The following IL4 variants were observed in gnomAD, a reference collection of about 807,000 sequenced individuals.
IL4 encodes the protein interleukin 4.
In IL4, 10 loss-of-function variants were observed where a neutral mutation model predicts 17.4. That is an observed-to-expected ratio of 0.57 (90% CI 0.35 to 0.97). The LOEUF (loss-of-function observed/expected upper bound fraction) is 0.97, where lower values mean the gene tolerates loss of function less well. Among genes scored for constraint, IL4 ranks in the 50% least tolerant of loss-of-function variants. The pLI is 0.01. For synonymous variants in IL4, 87 were observed against 79.0 expected (o/e 1.10, Z -0.54); for missense variants, 174 against 187.7 (o/e 0.93, Z 0.43).
rs571215846 is a variant in IL4, at chr5:132,681,297, G to A, written c.361-1189G>A. 3.4e-4 allele frequency among the ~76,000 whole-genome samples: 52 copies of A among 152,306 alleles called. No homozygotes were observed. The South Asian group carries it at 8.3e-3, about 24-fold the overall frequency. On this transcript the variant is annotated intron_variant, in intron 3 of 3. Transcript: ENST00000231449. ...TGGAGAGTGGGCGGTACCCCAGGAA[G>A]CCGTTGAGGACACTCAAGGAGGGAG...
rs946681042 is a variant in IL4 at position 132,678,751 on chromosome 5, A to G, written c.184-963A>G. Among the ~76,000 whole-genome samples, 19 of 152,294 alleles carry G rather than the reference A, an allele frequency of 1.2e-4. 1 individual carries two copies. In the East Asian group the frequency reaches 3.3e-3, roughly 26 times the overall value. On this transcript the variant is annotated intron_variant, in intron 2 of 3. Coordinates refer to ENST00000231449, the MANE Select transcript of IL4 (RefSeq NM_000589.4). ...GGATAGCTTTCTTTATCTGAACTGG[A>G]TAAAGGAACTGGGCTCAAGCTAAGA...
Position 132,674,068 on chromosome 5 carries a change from A to G in IL4, c.18A>G (p.Gln6=), listed in dbSNP as rs199921056. 9.9e-6 allele frequency: 16 copies of G among 1,614,178 alleles called. No homozygotes were observed. Among genetic ancestry groups the G allele is most frequent in the Non-Finnish European group, 1.4e-5 (16 of 1,180,032 alleles). The change falls in exon 1 of 4, where the codon CAA becomes CAG. Residue 6 remains glutamine (Q), a synonymous_variant. Transcript: ENST00000231449. ...ACCTATTAATGGGTCTCACCTCCCA[A>G]CTGCTTCCCCCTCTGTTCTTCCTGC... is the stretch of plus-strand genomic sequence containing the variant. The part of the protein sequence containing the change: MGLTS[Q]LLPPLFFLLA...
rs1446449750 is a variant in IL4, at chr5:132,679,756, C to A, written c.226C>A (p.Leu76Ile). 1.2e-6 allele frequency: 2 copies of A among 1,613,998 alleles called. No individual in the cohort carries two copies. Among genetic ancestry groups the A allele is most frequent in the Admixed American group, 1.7e-5 (1 of 60,000 alleles). ...KETFCRAATV[L>I]RQFYSHHEKD... is the part of the protein sequence containing the mutation. The stretch of plus-strand genomic sequence containing the variant: ...AACCTTCTGCAGGGCTGCGACTGTG[C>A]TCCGGCAGTTCTACAGCCACCATGA... The change falls in exon 3 of 4, where the codon CTC becomes ATC. Residue 76 changes from leucine (L) to isoleucine (I), a missense_variant. Transcript: ENST00000231449.
In IL4 at chr5:132,680,900, CCT is replaced by C. The variant is rs1752475890; in HGVS notation, c.360+1013_360+1014del. Reference sequence around the variant, plus strand: ...TAAGATACAGGGGAGGAAAAGATGACCTCTTTGTTCCTGCCCAAACCCCTCTG... The same window carrying C: ...TAAGATACAGGGGAGGAAAAGATGACCTTTGTTCCTGCCCAAACCCCTCTG... On this transcript the variant is annotated intron_variant, in intron 3 of 3. Transcript: ENST00000231449. This position sits in a 1 kb window ranked among gnomAD's most constrained non-coding sequence, Gnocchi z 4.3. Among the ~76,000 whole-genome samples the C allele has an allele frequency of 6.6e-6, 1 of 152,188 alleles. No homozygotes were observed. The highest frequency in any genetic ancestry group is 1.5e-5 in the Non-Finnish European group (1 of 68,032).
chr5:132,674,282 C>A lies in IL4; in HGVS notation c.135+97C>A, dbSNP rs1752337926. The A allele has an allele frequency of 9.5e-6, 14 of 1,477,502 alleles. No individual in the cohort carries two copies. In the South Asian group the frequency reaches 1.6e-4, roughly 17 times the overall value. 91.5% of individuals were successfully genotyped at this position (1,477,502 alleles called of 1,614,324 possible). A position where few individuals can be genotyped will look rare whatever the true frequency, so the allele number is the denominator to read the frequency against. On this transcript the variant is annotated intron_variant, in intron 1 of 3. Coordinates refer to ENST00000231449, the MANE Select transcript of IL4 (RefSeq NM_000589.4). ...TTAACAGCTGCTAGAGAAGTTGGAACTGGTGGTTGGTGGCAGTCCAGGGCA... is the reference window on the plus strand; with the variant it reads ...TTAACAGCTGCTAGAGAAGTTGGAAATGGTGGTTGGTGGCAGTCCAGGGCA...
chr5:132,680,863 G>A lies in IL4; in HGVS notation c.360+973G>A, dbSNP rs891222621. 4.6e-5 allele frequency among the ~76,000 whole-genome samples: 7 copies of A among 152,192 alleles called. No individual in the cohort carries two copies. The highest frequency in any genetic ancestry group is 1.4e-4 in the African/African-American group (6 of 41,444). On this transcript the variant is annotated intron_variant, in intron 3 of 3. Transcript: ENST00000231449. The surrounding 1 kb of genome is among the most constrained non-coding windows in gnomAD (Gnocchi z 4.3). The stretch of plus-strand genomic sequence containing the variant: ...AACCAGAAGGATTTGCTGACAGATC[G>A]GTTGTAGGGGGTAAGATACAGGGGA...
chr5:132,682,339 G>C lies in IL4; in HGVS notation c.361-147G>C, dbSNP rs145315969. The stretch of plus-strand genomic sequence containing the variant: ...AATAGGCAAAACCTGCTGGCCTAGT[G>C]ATAGAGACAACTCCCAGTCAGGCTA... On this transcript the variant is annotated intron_variant, in intron 3 of 3. Coordinates refer to ENST00000231449, the MANE Select transcript of IL4 (RefSeq NM_000589.4). 4.4e-5 allele frequency: 25 copies of C among 573,080 alleles called. No individual in the cohort carries two copies. The East Asian group carries it at 6.1e-4, about 14-fold the overall frequency. 35.5% of individuals were successfully genotyped at this position (573,080 alleles called of 1,614,324 possible).
At chr5:132,677,093 C>T (rs1044717256) in intron 2 of IL4, among the ~76,000 whole-genome samples, 1 of 152,208 alleles carries the variant, frequency 6.6e-6, no homozygotes, top group African/African-American at 2.4e-5. Flanking sequence ...CCATAATGAA[C>T]CTCAAATACC....
At chr5:132,679,934 G>T in intron 3 of IL4, 44 bp downstream of exon 3, 1 of 1,547,556 alleles carries the variant, frequency 6.5e-7, no homozygotes, top group East Asian at 2.3e-5. Context: ...CGTGGCTCCT[G>T]GTGGACAGCA....
chr5:132,675,255 T>C (rs1752355630), intron 2 of IL4, among the ~76,000 whole-genome samples: 1 of 152,260 alleles, frequency 6.6e-6, no homozygotes, highest in Admixed American at 6.5e-5. Context: ...ATCAATAGTT[T>C]TGTGCATTTC....
intron 1 of IL4, 100 bp downstream of exon 1, chr5:132,674,285 G>C: frequency 1.4e-6 from 2 of 1,450,700 alleles, no homozygotes; most frequent in South Asian, 2.4e-5. Flanking sequence ...GTTGGAACTG[G>C]TGGTTGGTGG....
At position 132,680,936 on chromosome 5, in the gene IL4, C is replaced by G. The variant is rs1752476553; in HGVS notation, c.360+1046C>G. Among the ~76,000 whole-genome samples the G allele has an allele frequency of 6.6e-6, 1 of 152,154 alleles. No individual in the cohort carries two copies. Among genetic ancestry groups the G allele is most frequent in the Non-Finnish European group, 1.5e-5 (1 of 68,038 alleles). On this transcript the variant is annotated intron_variant, in intron 3 of 3. Coordinates refer to ENST00000231449, the MANE Select transcript of IL4 (RefSeq NM_000589.4). The surrounding 1 kb of genome is among the most constrained non-coding windows in gnomAD (Gnocchi z 4.3). ...CTGCCCAAACCCCTCTGGCGATGGT[C>G]AGTACTGTTTACAGAGAGATGAAAG...
chr5:132,674,367 G>C, intron 1 of IL4, 92 bp from the exon 2 acceptor site: 1 of 1,413,098 alleles, frequency 7.1e-7, no homozygotes, highest in East Asian at 2.3e-5. Flanking sequence ...AGTTTCCTCA[G>C]TTGGAGGGAG....
intron 3 of IL4, 81 bp from the exon 4 acceptor site, chr5:132,682,405 G>A: frequency 1.2e-6 from 1 of 823,024 alleles, no homozygotes; most frequent in Non-Finnish European, 2.1e-6. Flanking sequence ...GGTGACAAGT[G>A]CCACAGTAGG....
At position 132,679,830 on chromosome 5, in the gene IL4, C is replaced by T; in HGVS notation, c.300C>T (p.His100=). 1.2e-6 allele frequency: 2 copies of T among 1,613,972 alleles called. No individual in the cohort carries two copies. The highest frequency in any genetic ancestry group is 1.7e-5 in the Admixed American group (1 of 60,024). The change falls in exon 3 of 4, where the codon CAC becomes CAT. Residue 100 remains histidine, a synonymous_variant. Transcript: ENST00000231449. The stretch of plus-strand genomic sequence containing the variant: ...CGACTGCACAGCAGTTCCACAGGCA[C>T]AAGCAGCTGATCCGATTCCTGAAAC... ...LGATAQQFHR[H]KQLIRFLKRL... is the part of the protein sequence containing the mutation.
rs938795637 is a variant in IL4, at chr5:132,674,074, T to C, written c.24T>C (p.Leu8=). The change falls in exon 1 of 4, where the codon CTT becomes CTC. Residue 8 remains leucine (L), a synonymous_variant. Coordinates refer to ENST00000231449, the MANE Select transcript of IL4 (RefSeq NM_000589.4). The part of the protein sequence containing the change: MGLTSQL[L]PPLFFLLACA... Reference sequence around the variant, plus strand: ...TAATGGGTCTCACCTCCCAACTGCTTCCCCCTCTGTTCTTCCTGCTAGCAT... The same window carrying C: ...TAATGGGTCTCACCTCCCAACTGCTCCCCCCTCTGTTCTTCCTGCTAGCAT... The C allele has an allele frequency of 1.2e-6, 2 of 1,613,882 alleles. No homozygotes were observed. The highest frequency in any genetic ancestry group is 1.3e-5 in the African/African-American group (1 of 74,858).
At chr5:132,674,681 G>A (rs1039133075) in intron 2 of IL4, among the ~76,000 whole-genome samples, 175 bp downstream of exon 2, 2 of 152,152 alleles carry the variant, frequency 1.3e-5, no homozygotes, top group Non-Finnish European at 2.9e-5. Context: ...GGTCTTTCTG[G>A]TTTCACTTGA....
intron 3 of IL4, among the ~76,000 whole-genome samples, chr5:132,681,635 G>A (rs1172900206): frequency 6.6e-6 from 1 of 152,188 alleles, no homozygotes; most frequent in African/African-American, 2.4e-5. Context: ...GCACCTGGGG[G>A]AATGGTCCAG....
chr5:132,674,077 C>T lies in IL4; in HGVS notation c.27C>T (p.Pro9=). MGLTSQLL[P]PLFFLLACAG... ...TGGGTCTCACCTCCCAACTGCTTCC[C>T]CCTCTGTTCTTCCTGCTAGCATGTG... Residue 9 remains proline, a synonymous_variant, in exon 1 of 4, where the codon CCC becomes CCT. Transcript: ENST00000231449. The T allele has an allele frequency of 1.9e-6, 3 of 1,614,176 alleles. No homozygotes were observed. The highest frequency in any genetic ancestry group is 1.1e-5 in the South Asian group (1 of 91,080).
Sources: allele counts gnomAD v4.1 joint callset (sites outside exome capture counted in the v4.1 genomes callset), GRCh38; gene constraint gnomAD v4.1.1; non-coding constraint Gnocchi (gnomAD v3.1); transcripts MANE v1.5; gene names NCBI Gene and HGNC (gene_info 2026-07-23, HGNC 2026-07-21).